MYO1E: variants seen among roughly 807,000 people sequenced by gnomAD.
MYO1E encodes the protein myosin IE, also known as unconventional myosin-Ie.
A neutral mutation model predicts 151.1 loss-of-function variants in MYO1E; 68 were observed. The observed-to-expected ratio is 0.45, with a 90% CI of 0.37 to 0.55. The LOEUF (loss-of-function observed/expected upper bound fraction) is 0.55, where lower values mean the gene tolerates loss of function less well. MYO1E is among the 20% of genes least tolerant of loss of function. The probability of loss-of-function intolerance (pLI) is 0.00; values close to 1 mark genes in which losing one functional copy is unlikely to be tolerated. For synonymous variants in MYO1E, 601 were observed against 501.7 expected, an observed-to-expected ratio of 1.20 and a Z score of -2.64; for missense variants, 1,363 against 1,389.3, an observed-to-expected ratio of 0.98 and a Z score of 0.30.
rs3985715 is a variant in MYO1E, at chr15:59,243,099, C to CTTTTTTTT, written c.333-6435_333-6428dup. ...ACTGGACTTATTTAATTAGACCCTG[C>CTTTTTTTT]TTTTTTTTTTTTTTTTCAAATATAG... On this transcript the variant is annotated intron_variant, in intron 4 of 27. Coordinates refer to ENST00000288235, the MANE Select transcript of MYO1E (RefSeq NM_004998.4). Among the ~76,000 whole-genome samples the CTTTTTTTT allele has an allele frequency of 1.5e-5, 2 of 133,456 alleles. 1 individual carries two copies. Among genetic ancestry groups the CTTTTTTTT allele is most frequent in the Non-Finnish European group, 3.1e-5 (2 of 64,378 alleles). The allele number at this position is 133,456 out of a possible 152,430, so 87.6% of individuals were successfully genotyped here. A position where few individuals can be genotyped will look rare whatever the true frequency, so the allele number is the denominator to read the frequency against.
chr15:59,144,395 G>A (rs1401692038), intron 26 of MYO1E, among the ~76,000 whole-genome samples: 1 of 152,016 alleles, frequency 6.6e-6, no homozygotes, highest in African/African-American at 2.4e-5. Flanking sequence ...TTGAACTCCT[G>A]ACCTCAAGTG....
intron 19 of MYO1E, among the ~76,000 whole-genome samples, chr15:59,176,759 A>G (rs2079627629): frequency 6.6e-6 from 1 of 152,108 alleles, no homozygotes; most frequent in African/African-American, 2.4e-5. Flanking sequence ...GCCCAGCCAG[A>G]TTTTAAGAGT....
chr15:59,137,230 T>G lies in MYO1E; in HGVS notation c.*150A>C. On this transcript the variant is annotated 3_prime_UTR_variant, in exon 28 of 28. Transcript: ENST00000288235. ...ACTCCCTGTCCCCAACCCAGCCTTT[T>G]CAGTGTCCTCCATGGGGAAGGTACC... The G allele has an allele frequency of 2.7e-6, 2 of 737,058 alleles. No individual in the cohort carries two copies. 45.7% of individuals were successfully genotyped at this position (737,058 alleles called of 1,614,324 possible). A position where few individuals can be genotyped will look rare whatever the true frequency, so the allele number is the denominator to read the frequency against.
chr15:59,362,209 A>G (rs2080889790), intron 1 of MYO1E, among the ~76,000 whole-genome samples: 1 of 152,192 alleles, frequency 6.6e-6, no homozygotes, highest in South Asian at 2.1e-4. Flanking sequence ...AGACCCCCAA[A>G]TAGCAGTCTT....
intron 1 of MYO1E, among the ~76,000 whole-genome samples, chr15:59,292,726 A>G (rs1368507548): frequency 2.0e-5 from 3 of 152,250 alleles, no homozygotes; most frequent in African/African-American, 7.2e-5. Context: ...GAACTGCGAC[A>G]GTACTACAGC....
intron 1 of MYO1E, among the ~76,000 whole-genome samples, chr15:59,336,187 A>G (rs577698700): frequency 6.6e-6 from 1 of 152,210 alleles, no homozygotes; most frequent in East Asian, 1.9e-4. Context: ...CCTGGACAAC[A>G]TGCCAAAACG....
chr15:59,206,359 A>G (rs570124234), intron 14 of MYO1E, among the ~76,000 whole-genome samples: 33 of 152,246 alleles, frequency 2.2e-4, no homozygotes, highest in African/African-American at 7.2e-4. Flanking sequence ...GCCGGCCCCT[A>G]CCCTGCTGAA....
chr15:59,160,274 T>G (rs2079529987), intron 24 of MYO1E, among the ~76,000 whole-genome samples: 1 of 151,882 alleles, frequency 6.6e-6, no homozygotes. Flanking sequence ...AGTTTATAAA[T>G]ATCAATTATA....
intron 18 of MYO1E, among the ~76,000 whole-genome samples, chr15:59,185,422 T>G (rs1300933443): frequency 6.6e-6 from 1 of 152,128 alleles, no homozygotes; most frequent in African/African-American, 2.4e-5. Flanking sequence ...TGCATGCCAC[T>G]GCACCTGGCT....
intron 2 of MYO1E, among the ~76,000 whole-genome samples, chr15:59,271,975 T>C (rs1164796708): frequency 1.3e-5 from 2 of 152,240 alleles, no homozygotes; most frequent in African/African-American, 2.4e-5. Context: ...GGGCATCATC[T>C]TTGCCCTTTG....
At chr15:59,177,169 C>G (rs1390410917) in intron 19 of MYO1E, among the ~76,000 whole-genome samples, 1 of 152,144 alleles carries the variant, frequency 6.6e-6, no homozygotes, top group East Asian at 1.9e-4. Context: ...GCGAATGACA[C>G]AACATTTTCA....
intron 22 of MYO1E, 108 bp downstream of exon 22, chr15:59,171,789 T>C (rs1385790322): frequency 1.4e-6 from 2 of 1,401,014 alleles, no homozygotes; most frequent in Non-Finnish European, 2.0e-6. Flanking sequence ...GATCATGATT[T>C]TGACAGCTGG....
intron 1 of MYO1E, among the ~76,000 whole-genome samples, chr15:59,282,297 G>T (rs936179447): frequency 1.1e-4 from 16 of 152,172 alleles, no homozygotes; most frequent in Middle Eastern, 3.4e-3. Flanking sequence ...TTTCCATCAG[G>T]GCTCCCAAGC....
At chr15:59,311,057 G>A (rs1321536290) in intron 1 of MYO1E, among the ~76,000 whole-genome samples, 1 of 151,970 alleles carries the variant, frequency 6.6e-6, no homozygotes, top group Non-Finnish European at 1.5e-5. Flanking sequence ...ACTCTGCCCT[G>A]GAGTCCAGCA....
chr15:59,198,027 A>G (rs189104770), intron 16 of MYO1E, among the ~76,000 whole-genome samples: 1 of 152,156 alleles, frequency 6.6e-6, no homozygotes, highest in East Asian at 1.9e-4. Context: ...ACACCCAGCT[A>G]ATTTTTGAAA....
In MYO1E at chr15:59,218,093, G is replaced by T; in HGVS notation, c.911-6C>A. The T allele has an allele frequency of 6.2e-7, 1 of 1,614,024 alleles. No individual in the cohort carries two copies. Among genetic ancestry groups the T allele is most frequent in the Non-Finnish European group, 8.5e-7 (1 of 1,179,912 alleles). On this transcript the variant is annotated splice_polypyrimidine_tract_variant and splice_region_variant and intron_variant, in intron 9 of 27. Coordinates refer to ENST00000288235, the MANE Select transcript of MYO1E (RefSeq NM_004998.4). ...ATATGCAGGAAAAGCTAAAACTGTA[G>T]AACATAAAACAAAACATGACAATCT...
At chr15:59,281,302 G>C (rs2080352143) in intron 1 of MYO1E, among the ~76,000 whole-genome samples, 1 of 147,852 alleles carries the variant, frequency 6.8e-6, no homozygotes, top group South Asian at 2.1e-4. Context: ...CTGAGAAAGA[G>C]TCTTGCTCTG....
In MYO1E at chr15:59,272,447, T is replaced by A; in HGVS notation, c.6A>T (p.Gly2=). The A allele has an allele frequency of 6.2e-7, 1 of 1,614,148 alleles. No homozygotes were observed. The highest frequency in any genetic ancestry group is 8.5e-7 in the Non-Finnish European group (1 of 1,179,982). The change falls in exon 2 of 28, where the codon GGA becomes GGT. Residue 2 remains glycine (G), a splice_region_variant and synonymous_variant. Coordinates refer to ENST00000288235, the MANE Select transcript of MYO1E (RefSeq NM_004998.4). M[G]SKGVYQYHWQ... is the part of the protein sequence containing the mutation. Reference sequence around the variant, plus strand: ...AGTGGTACTGGTAGACACCTTTGCTTCCCTGGGAACATAAAACATACAATT... The same window carrying A: ...AGTGGTACTGGTAGACACCTTTGCTACCCTGGGAACATAAAACATACAATT...
intron 12 of MYO1E, among the ~76,000 whole-genome samples, chr15:59,211,833 T>G (rs1271701411): frequency 6.6e-6 from 1 of 152,146 alleles, no homozygotes; most frequent in Non-Finnish European, 1.5e-5. Flanking sequence ...CCACCTACAC[T>G]GCTACCATGG....
Sources: gnomAD v4.1 joint callset for allele counts (sites outside exome capture counted in the v4.1 genomes callset) on GRCh38, gnomAD v4.1.1 for gene constraint, MANE v1.5 for transcripts, NCBI Gene and HGNC (gene_info 2026-07-23, HGNC 2026-07-21) for gene names.